The following POR variants were observed in gnomAD, a reference collection of about 807,000 sequenced individuals.
POR encodes the protein NADPH--cytochrome P450 reductase.
In POR, 56 loss-of-function variants were observed where a neutral mutation model predicts 84.0. That is an observed-to-expected ratio of 0.67 (90% CI 0.54 to 0.83). The LOEUF (loss-of-function observed/expected upper bound fraction) is 0.83. POR is among the 40% of genes least tolerant of loss of function. The pLI is 0.00. For missense variants in POR, 938 were observed against 944.3 expected (o/e 0.99, Z 0.09); for synonymous variants, 414 against 400.5 (o/e 1.03, Z -0.40).
At chr7:75,969,596 G>T (rs2116515748) in intron 2 of POR, among the ~76,000 whole-genome samples, 1 of 152,340 alleles carries the variant, frequency 6.6e-6, no homozygotes, top group African/African-American at 2.4e-5. Flanking sequence ...CAAATCTTCA[G>T]ATCCACTTTG....
At chr7:75,926,646 T>C (rs1229396138) in intron 1 of POR, among the ~76,000 whole-genome samples, 2 of 151,980 alleles carry the variant, frequency 1.3e-5, no homozygotes, top group Non-Finnish European at 1.5e-5. Context: ...AATACAAAAT[T>C]AGCCGGGCGT....
At chr7:75,965,132 A>C (rs1045483557) in intron 2 of POR, among the ~76,000 whole-genome samples, 23 of 152,188 alleles carry the variant, frequency 1.5e-4, no homozygotes, top group African/African-American at 5.5e-4. Context: ...ATGAAGCGCC[A>C]TTTGGAGCTG....
At chr7:75,921,063 A>C (rs1377405332) in intron 1 of POR, 1 of 152,048 alleles carries the variant, frequency 6.6e-6, no homozygotes, top group Non-Finnish European at 1.5e-5. Flanking sequence ...TGATTTGCAA[A>C]CTCAGGAGTC....
At chr7:75,952,508 G>A (rs1554553015) in intron 1 of POR, among the ~76,000 whole-genome samples, 11 of 151,836 alleles carry the variant, frequency 7.2e-5, no homozygotes, top group Non-Finnish European at 1.6e-4. Context: ...GGGCGGAGAC[G>A]CTCCTCACTT....
intron 1 of POR, among the ~76,000 whole-genome samples, chr7:75,939,377 G>A (rs1187918552): frequency 6.6e-6 from 1 of 152,152 alleles, no homozygotes; most frequent in Non-Finnish European, 1.5e-5. Context: ...GCCTGCTTTG[G>A]TGGGAGTGCT....
chr7:75,949,862 CTTT>C (rs1246278311), intron 1 of POR, among the ~76,000 whole-genome samples: 1 of 139,840 alleles, frequency 7.2e-6, no homozygotes. Context: ...ACCTGACTTA[CTTT>C]TTTTTTTTTT....
At chr7:75,943,979 C>A in intron 1 of POR, 1 of 421,828 alleles carries the variant, frequency 2.4e-6, no homozygotes, top group Non-Finnish European at 4.6e-6. Context: ...AAGGAAACCT[C>A]GACTCTTCAA....
chr7:75,986,323 C>T lies in POR; in HGVS notation c.1899-14C>T. 6.2e-7 allele frequency: 1 copy of T among 1,612,494 alleles called. No homozygotes were observed. Among genetic ancestry groups the T allele is most frequent in the South Asian group, 1.1e-5 (1 of 91,066 alleles). On this transcript the variant is annotated splice_polypyrimidine_tract_variant and intron_variant, in intron 15 of 15. Transcript: ENST00000461988. ...CAGTTGGCCCAGCCCCCAGCACCCCCTCTTCCTGCCCAGGGATGCACGGAA... is the reference window on the plus strand; with the variant it reads ...CAGTTGGCCCAGCCCCCAGCACCCCTTCTTCCTGCCCAGGGATGCACGGAA...
chr7:75,917,788 C>T lies in POR; in HGVS notation c.-5+2609C>T, dbSNP rs79014177. 2.5e-4 allele frequency among the ~76,000 whole-genome samples: 38 copies of T among 152,242 alleles called. No homozygotes were observed. The East Asian group carries it at 7.2e-3, about 29-fold the overall frequency. ...TCAGCCTCCTGAGTAGCTGGAATTT[C>T]GAGTACCCACCACCTGGCCAAAGAT... On this transcript the variant is annotated intron_variant, in intron 1 of 15. Coordinates refer to ENST00000461988, the MANE Select transcript of POR (RefSeq NM_000941.3).
chr7:75,969,735 C>T (rs782738747), intron 2 of POR, among the ~76,000 whole-genome samples: 13 of 152,174 alleles, frequency 8.5e-5, no homozygotes, highest in East Asian at 3.9e-4. Context: ...CCTCTTAGTC[C>T]GCCCCTGCCA....
chr7:75,961,278 A>G (rs1787929427), intron 2 of POR, among the ~76,000 whole-genome samples: 1 of 61,870 alleles, frequency 1.6e-5, no homozygotes, highest in Non-Finnish European at 3.3e-5. Context: ...CTTCTTTAAA[A>G]AAAAAAAAAA....
chr7:75,919,478 G>C (rs1323382984), intron 1 of POR, among the ~76,000 whole-genome samples: 1 of 151,878 alleles, frequency 6.6e-6, no homozygotes, highest in African/African-American at 2.4e-5. Flanking sequence ...CAGATTGGTG[G>C]CTCCAGTTGG....
intron 1 of POR, among the ~76,000 whole-genome samples, chr7:75,948,167 T>G (rs1554552343): frequency 6.6e-6 from 1 of 152,146 alleles, no homozygotes; most frequent in Admixed American, 6.5e-5. Context: ...TTTGCCCGAG[T>G]GAGGTGCTTA....
At chr7:75,969,187 G>A (rs1433032610) in intron 2 of POR, among the ~76,000 whole-genome samples, 2 of 152,214 alleles carry the variant, frequency 1.3e-5, no homozygotes, top group Admixed American at 1.3e-4. Context: ...GAAATCACAG[G>A]CTGACCGCCT....
At position 75,972,476 on chromosome 7, in the gene POR, T is replaced by C. The variant is rs376294182; in HGVS notation, c.237+15T>C. On this transcript the variant is annotated intron_variant, in intron 3 of 15. Coordinates refer to ENST00000461988, the MANE Select transcript of POR (RefSeq NM_000941.3). ...TGAAGAAAACGGTGAGTTTCCTGCA[T>C]GTCTTTACTCTTCTCAGGAAGCCTC... The C allele has an allele frequency of 2.5e-6, 4 of 1,596,084 alleles. No homozygotes were observed. The African/African-American group carries it at 4.0e-5, about 16-fold the overall frequency.
intron 1 of POR, among the ~76,000 whole-genome samples, chr7:75,935,345 C>T (rs1554550676): frequency 6.6e-6 from 1 of 152,098 alleles, no homozygotes; most frequent in Non-Finnish European, 1.5e-5. Flanking sequence ...TTCCTGGGTT[C>T]AAGCGATTCT....
chr7:75,980,789 G>A, intron 5 of POR: 1 of 1,361,856 alleles, frequency 7.3e-7, no homozygotes, highest in Non-Finnish European at 9.8e-7. Flanking sequence ...CCAGCCCGGT[G>A]GGGAGGGTGG....
At chr7:75,927,344 CA>C (rs1189880074) in intron 1 of POR, among the ~76,000 whole-genome samples, 1 of 151,748 alleles carries the variant, frequency 6.6e-6, no homozygotes, top group Non-Finnish European at 1.5e-5. Flanking sequence ...CGTATCTTAA[CA>C]AAAAATTAAT....
At chr7:75,952,022 T>C (rs1787446277) in intron 1 of POR, among the ~76,000 whole-genome samples, 1 of 125,864 alleles carries the variant, frequency 7.9e-6, no homozygotes, top group Non-Finnish European at 1.6e-5. Context: ...GGCTCCTCAC[T>C]GCCCAGTAGG....
Sources: gnomAD v4.1 joint callset for allele counts (sites outside exome capture counted in the v4.1 genomes callset) on GRCh38, gnomAD v4.1.1 for gene constraint, MANE v1.5 for transcripts, NCBI Gene and HGNC (gene_info 2026-07-23, HGNC 2026-07-21) for gene names.